Variants in CERS6 observed in about 807,000 individuals in gnomAD.
CERS6 encodes the protein ceramide synthase 6.
CERS6 carries 26 observed loss-of-function variants against 56.8 expected under a neutral mutation model. The ratio of observed to expected loss-of-function variants is 0.46; its 90% CI spans 0.34 to 0.63. The LOEUF (loss-of-function observed/expected upper bound fraction) is 0.63. Among genes scored for constraint, CERS6 ranks in the 30% least tolerant of loss-of-function variants. The pLI is 0.01. For missense variants in CERS6, 415 were observed against 467.5 expected, an observed-to-expected ratio of 0.89 and a Z score of 1.04; for synonymous variants, 164 against 173.3, an observed-to-expected ratio of 0.95 and a Z score of 0.42.
intron 8 of CERS6, among the ~76,000 whole-genome samples, chr2:168,743,160 ATATG>A (rs1553515320): frequency 2.6e-5 from 4 of 151,214 alleles, no homozygotes; most frequent in African/African-American, 9.8e-5. Flanking sequence ...ATATATATAT[ATATG>A]TATGTATGTG....
At chr2:168,528,575 A>G (rs1453872444) in intron 1 of CERS6, among the ~76,000 whole-genome samples, 2 of 152,344 alleles carry the variant, frequency 1.3e-5, no homozygotes, top group East Asian at 3.9e-4. Context: ...TCTAAGCTAC[A>G]TTGAAGCATG....
chr2:168,704,233 G>A (rs1242416828), intron 6 of CERS6, among the ~76,000 whole-genome samples: 1 of 152,114 alleles, frequency 6.6e-6, no homozygotes, highest in African/African-American at 2.4e-5. Context: ...GAAGAGTGAC[G>A]ACCAGGAGCC....
In CERS6 at chr2:168,579,852, C is replaced by T. The variant is rs190663757; in HGVS notation, c.407+18530C>T. Reference sequence around the variant, plus strand: ...CAAGGTGCTCTCTGCTTGCTGGGCTCGTTCCTGCCTCTTGGCCTTTGCGCT... The same window carrying T: ...CAAGGTGCTCTCTGCTTGCTGGGCTTGTTCCTGCCTCTTGGCCTTTGCGCT... On this transcript the variant is annotated intron_variant, in intron 3 of 9. Coordinates refer to ENST00000305747, the MANE Select transcript of CERS6 (RefSeq NM_203463.3). 2.5e-3 allele frequency among the ~76,000 whole-genome samples: 375 copies of T among 152,264 alleles called. 2 individuals carry two copies. The highest frequency in any genetic ancestry group is 4.4e-3 in the Non-Finnish European group (301 of 68,010).
intron 1 of CERS6, among the ~76,000 whole-genome samples, chr2:168,533,645 A>G (rs1232103768): frequency 2.6e-5 from 4 of 151,738 alleles, no homozygotes; most frequent in Middle Eastern, 3.4e-3. Flanking sequence ...TGCCCTTAAC[A>G]TTTTTTCCTT....
intron 3 of CERS6, among the ~76,000 whole-genome samples, chr2:168,625,635 A>G (rs1684574093): frequency 6.6e-6 from 1 of 152,192 alleles, no homozygotes; most frequent in African/African-American, 2.4e-5. Flanking sequence ...GGAGGTAAAG[A>G]ACAAGTCAGA....
At chr2:168,609,140 G>C (rs1684125168) in intron 3 of CERS6, among the ~76,000 whole-genome samples, 1 of 152,162 alleles carries the variant, frequency 6.6e-6, no homozygotes. Flanking sequence ...AGGTTATCTT[G>C]GATGGTTGGT....
chr2:168,568,660 A>AATAGAACCAGCCTCATCAGAGTGC (rs1420066065), intron 3 of CERS6, among the ~76,000 whole-genome samples: 3 of 152,224 alleles, frequency 2.0e-5, no homozygotes, highest in Non-Finnish European at 4.4e-5. Flanking sequence ...AAATGTTTTT[A>AATAGAACCAGCCTCATCAGAGTGC]ATAGAACCAG....
intron 4 of CERS6, among the ~76,000 whole-genome samples, chr2:168,668,952 C>T (rs1011268858): frequency 4.6e-5 from 7 of 152,126 alleles, no homozygotes; most frequent in African/African-American, 1.7e-4. Context: ...ATTAGAAATT[C>T]ACAGGATGGG....
At chr2:168,490,341 T>C (rs1558969445) in intron 1 of CERS6, among the ~76,000 whole-genome samples, 1 of 152,164 alleles carries the variant, frequency 6.6e-6, no homozygotes, top group Non-Finnish European at 1.5e-5. Context: ...AGACTGGGTT[T>C]CCTGGAGTAT....
At chr2:168,620,046 C>CACACAT (rs1553500584) in intron 3 of CERS6, among the ~76,000 whole-genome samples, 1 of 145,870 alleles carries the variant, frequency 6.9e-6, no homozygotes, top group East Asian at 2.1e-4. Context: ...CACACACACA[C>CACACAT]ACACACACAC....
chr2:168,503,123 A>G (rs1574027927), intron 1 of CERS6, among the ~76,000 whole-genome samples: 1 of 152,032 alleles, frequency 6.6e-6, no homozygotes, highest in East Asian at 1.9e-4. Context: ...GTTTTATAAG[A>G]GGCTCTTTCT....
In CERS6 at chr2:168,765,587, C is replaced by T; in HGVS notation, c.846-5C>T. 1 of 1,611,948 alleles carries T rather than the reference C, an allele frequency of 6.2e-7. No individual in the cohort carries two copies. Among genetic ancestry groups the T allele is most frequent in the South Asian group, 1.1e-5 (1 of 90,356 alleles). ...ATTCACTAATCACCTCCTTCTTTTCCTTAGGGTGTTAAATACCACATTATT... is the reference window on the plus strand; with the variant it reads ...ATTCACTAATCACCTCCTTCTTTTCTTTAGGGTGTTAAATACCACATTATT... On this transcript the variant is annotated splice_polypyrimidine_tract_variant and splice_region_variant and intron_variant, in intron 8 of 9. Transcript: ENST00000305747.
chr2:168,514,628 C>G (rs1033025277), intron 1 of CERS6, among the ~76,000 whole-genome samples: 1 of 152,204 alleles, frequency 6.6e-6, no homozygotes, highest in African/African-American at 2.4e-5. Flanking sequence ...ACCACTAAAT[C>G]AGATGTTATA....
intron 4 of CERS6, among the ~76,000 whole-genome samples, chr2:168,678,832 G>C (rs1181550671): frequency 6.6e-6 from 1 of 152,146 alleles, no homozygotes; most frequent in African/African-American, 2.4e-5. Context: ...CCACTACTGG[G>C]TATGTATTCA....
intron 1 of CERS6, among the ~76,000 whole-genome samples, chr2:168,499,237 G>A (rs958357747): frequency 6.6e-6 from 1 of 152,170 alleles, no homozygotes; most frequent in Non-Finnish European, 1.5e-5. Context: ...CAGGCACTAA[G>A]TAACCCTTAA....
At chr2:168,591,740 A>T (rs1683676332) in intron 3 of CERS6, among the ~76,000 whole-genome samples, 1 of 152,186 alleles carries the variant, frequency 6.6e-6, no homozygotes, top group South Asian at 2.1e-4. Flanking sequence ...GATGCATAAA[A>T]ACAGATTCTA....
intron 4 of CERS6, among the ~76,000 whole-genome samples, chr2:168,641,469 G>C (rs1215947062): frequency 6.6e-6 from 1 of 152,136 alleles, no homozygotes; most frequent in Non-Finnish European, 1.5e-5. Context: ...TCCTGTCCCA[G>C]GCAGCTGGAT....
chr2:168,481,948 G>A (rs1467999879), intron 1 of CERS6, among the ~76,000 whole-genome samples: 1 of 152,176 alleles, frequency 6.6e-6, no homozygotes, highest in Admixed American at 6.5e-5. Context: ...TTGAATTTTT[G>A]AATAACTTCA....
At chr2:168,653,234 A>G (rs879672420) in intron 4 of CERS6, among the ~76,000 whole-genome samples, 7 of 152,206 alleles carry the variant, frequency 4.6e-5, no homozygotes, top group Non-Finnish European at 8.8e-5. Flanking sequence ...TATTTTTCCA[A>G]TTGAAACCCT....
Sources: allele counts gnomAD v4.1 joint callset (sites outside exome capture counted in the v4.1 genomes callset), GRCh38; gene constraint gnomAD v4.1.1; transcripts MANE v1.5; gene names NCBI Gene and HGNC (gene_info 2026-07-23, HGNC 2026-07-21).